The following LRRTM4 variants were observed in gnomAD, a reference collection of about 807,000 sequenced individuals.
LRRTM4 encodes leucine-rich repeat transmembrane neuronal protein 4.
Under a neutral mutation model 47.6 loss-of-function variants are expected in LRRTM4, and 25 were observed. That is an observed-to-expected ratio of 0.53 (90% CI 0.38 to 0.73). The LOEUF is 0.73. Ranked by LOEUF, LRRTM4 falls within the 30% of genes least tolerant of loss-of-function variation. LRRTM4 has a pLI of 0.00. For missense variants in LRRTM4, 638 were observed against 713.4 expected (o/e 0.89, Z 1.20); for synonymous variants, 311 against 269.5 (o/e 1.15, Z -1.51).
At position 77,036,476 on chromosome 2, in the gene LRRTM4, G is replaced by C. The variant is rs535739824; in HGVS notation, c.1552-287560C>G. Among the ~76,000 whole-genome samples, 7 of 151,588 alleles carry C rather than the reference G, an allele frequency of 4.6e-5. No individual in the cohort carries two copies. In the South Asian group the frequency reaches 8.3e-4, roughly 18 times the overall value. ...TTGCTCAGATATCTCATCCTTTACAGAACTATTGTTGACCAGCCCAGTAAA... is the reference window on the plus strand; with the variant it reads ...TTGCTCAGATATCTCATCCTTTACACAACTATTGTTGACCAGCCCAGTAAA... On this transcript the variant is annotated intron_variant, in intron 3 of 3. Coordinates refer to ENST00000409884, the MANE Select transcript of LRRTM4 (RefSeq NM_001134745.3).
At chr2:77,215,135 T>G (rs1452911694) in intron 3 of LRRTM4, among the ~76,000 whole-genome samples, 1 of 152,156 alleles carries the variant, frequency 6.6e-6, no homozygotes, top group Non-Finnish European at 1.5e-5. Context: ...TTAAGAATAA[T>G]CTTTCTTCAT....
chr2:76,861,462 A>T (rs1672310453), intron 3 of LRRTM4, among the ~76,000 whole-genome samples: 1 of 152,092 alleles, frequency 6.6e-6, no homozygotes, highest in South Asian at 2.1e-4. Flanking sequence ...TCATCTGGTT[A>T]ATTCACAGTT....
chr2:77,079,960 GTT>G (rs1680478279), intron 3 of LRRTM4, among the ~76,000 whole-genome samples: 1 of 151,872 alleles, frequency 6.6e-6, no homozygotes, highest in Non-Finnish European at 1.5e-5. Context: ...AGATTAAACT[GTT>G]TTGTTCTTTT....
intron 3 of LRRTM4, among the ~76,000 whole-genome samples, chr2:76,828,709 A>G (rs1671253043): frequency 6.6e-6 from 1 of 151,932 alleles, no homozygotes; most frequent in Non-Finnish European, 1.5e-5. Flanking sequence ...GTGAGCTCAT[A>G]TGAGCACAGT....
intron 3 of LRRTM4, among the ~76,000 whole-genome samples, chr2:76,918,588 TGA>T (rs1674331109): frequency 2.0e-5 from 3 of 152,048 alleles, no homozygotes; most frequent in Admixed American, 1.3e-4. Flanking sequence ...TTCACATAAA[TGA>T]GAGGGGGAAA....
At chr2:76,780,588 G>A (rs372403875) in intron 3 of LRRTM4, among the ~76,000 whole-genome samples, 1 of 151,646 alleles carries the variant, frequency 6.6e-6, no homozygotes, top group Non-Finnish European at 1.5e-5. Context: ...CGTAGTTCTC[G>A]AGCCTTGGTT....
intron 3 of LRRTM4, among the ~76,000 whole-genome samples, chr2:76,880,745 G>A (rs1002137476): frequency 6.6e-6 from 1 of 152,124 alleles, no homozygotes; most frequent in African/African-American, 2.4e-5. Context: ...TATGACTAGA[G>A]AGGTAATTAA....
At chr2:77,226,392 A>C (rs1288125934) in intron 3 of LRRTM4, among the ~76,000 whole-genome samples, 3 of 151,772 alleles carry the variant, frequency 2.0e-5, no homozygotes, top group Non-Finnish European at 2.9e-5. Flanking sequence ...TGTTTTTGTC[A>C]TGAGAGCATA....
At chr2:77,371,551 C>T (rs1006374089) in intron 3 of LRRTM4, among the ~76,000 whole-genome samples, 16 of 151,712 alleles carry the variant, frequency 1.1e-4, no homozygotes, top group African/African-American at 3.4e-4. Flanking sequence ...TTATCTATTA[C>T]ACTTTTACTG....
At chr2:76,757,325 T>G (rs2104070976) in intron 3 of LRRTM4, among the ~76,000 whole-genome samples, 1 of 152,292 alleles carries the variant, frequency 6.6e-6, no homozygotes, top group South Asian at 2.1e-4. Flanking sequence ...AAATTTTAAC[T>G]TTTAAGTCAG....
In LRRTM4 at chr2:77,085,654, A is replaced by T. The variant is rs572682300; in HGVS notation, c.1552-336738T>A. 7.9e-5 allele frequency among the ~76,000 whole-genome samples: 12 copies of T among 152,240 alleles called. 1 individual carries two copies. In the South Asian group the frequency reaches 2.5e-3, roughly 32 times the overall value. On this transcript the variant is annotated intron_variant, in intron 3 of 3. Transcript: ENST00000409884. The stretch of plus-strand genomic sequence containing the variant: ...TTTTCCGCTTGACACAATTGCTTTA[A>T]TTTTTAGCAAGAAAAATGTGTCCGA...
chr2:76,905,937 A>G (rs1385296645), intron 3 of LRRTM4, among the ~76,000 whole-genome samples: 12 of 151,248 alleles, frequency 7.9e-5, no homozygotes, highest in African/African-American at 1.9e-4. Context: ...ATATTATCCA[A>G]GAGAACTTCC....
At chr2:76,819,287 T>C (rs1670989662) in intron 3 of LRRTM4, among the ~76,000 whole-genome samples, 1 of 151,880 alleles carries the variant, frequency 6.6e-6, no homozygotes, top group Non-Finnish European at 1.5e-5. Context: ...TTTCTCATTA[T>C]ACAGATGAGG....
chr2:76,960,913 CTA>C (rs1245131336), intron 3 of LRRTM4, among the ~76,000 whole-genome samples: 2 of 151,338 alleles, frequency 1.3e-5, no homozygotes, highest in Admixed American at 6.6e-5. Context: ...TAAATAATGA[CTA>C]TGTATAATAC....
At chr2:77,474,152 A>C (rs976756838) in intron 3 of LRRTM4, among the ~76,000 whole-genome samples, 1 of 152,150 alleles carries the variant, frequency 6.6e-6, no homozygotes, top group African/African-American at 2.4e-5. Context: ...AAAAGAAATC[A>C]AAAGAAAATT....
chr2:77,278,412 C>T (rs144811137), intron 3 of LRRTM4, among the ~76,000 whole-genome samples: 20 of 151,942 alleles, frequency 1.3e-4, no homozygotes, highest in African/African-American at 4.6e-4. Context: ...AAAAATTCAC[C>T]ATACTTATGT....
At chr2:76,803,570 G>T (rs538227922) in intron 3 of LRRTM4, among the ~76,000 whole-genome samples, 4 of 152,256 alleles carry the variant, frequency 2.6e-5, no homozygotes, top group Non-Finnish European at 5.9e-5. Flanking sequence ...AAAACTAACA[G>T]ATGATTCGGC....
chr2:77,310,828 G>A (rs2104196136), intron 3 of LRRTM4, among the ~76,000 whole-genome samples: 1 of 152,036 alleles, frequency 6.6e-6, no homozygotes, highest in Non-Finnish European at 1.5e-5. Flanking sequence ...AATAATCACA[G>A]CAATATTCTG....
intron 3 of LRRTM4, among the ~76,000 whole-genome samples, chr2:76,835,722 C>T (rs1447374948): frequency 6.6e-6 from 1 of 152,008 alleles, no homozygotes; most frequent in African/African-American, 2.4e-5. Flanking sequence ...TTTCTTTATA[C>T]ATCCACCTGT....
Sources: gnomAD v4.1 joint callset for allele counts (sites outside exome capture counted in the v4.1 genomes callset) on GRCh38, gnomAD v4.1.1 for gene constraint, MANE v1.5 for transcripts, NCBI Gene and HGNC (gene_info 2026-07-23, HGNC 2026-07-21) for gene names.